RUFY4: variants seen among roughly 807,000 people sequenced by gnomAD.
The protein encoded by RUFY4 is RUN and FYVE domain-containing protein 4.
In RUFY4, 73 loss-of-function variants were observed where a neutral mutation model predicts 69.0. That is an observed-to-expected ratio of 1.06 (90% CI 0.88 to 1.29). RUFY4 has a LOEUF of 1.29. Ranked by LOEUF, RUFY4 falls within the 50% of genes most tolerant of loss-of-function variation. RUFY4 has a pLI of 0.00. For synonymous variants in RUFY4, 287 were observed against 271.8 expected (o/e 1.06, Z -0.55); for missense variants, 770 against 705.6 (o/e 1.09, Z -1.03).
rs1574512730 is a variant in RUFY4 at position 218,075,855 on chromosome 2, G to A, written c.1248+115G>A. On this transcript the variant is annotated intron_variant, in intron 7 of 10. Transcript: ENST00000344321. The stretch of plus-strand genomic sequence containing the variant: ...CCCTCCCACGGGTCAATTTTTATTG[G>A]CCCACTCAGGATTATTATTTGGGGA... 7.6e-6 allele frequency: 8 copies of A among 1,056,946 alleles called. No individual in the cohort carries two copies. In the African/African-American group the frequency reaches 8.2e-5, roughly 11 times the overall value. 65.5% of individuals were successfully genotyped at this position (1,056,946 alleles called of 1,614,324 possible).
intron 4 of RUFY4, 38 bp downstream of exon 6, chr2:218,072,923 G>A (rs1481847059): frequency 5.5e-6 from 8 of 1,453,664 alleles, no homozygotes; most frequent in Non-Finnish European, 7.3e-6. Context: ...GATGCCATCT[G>A]AGCCACTTTC....
intron 10 of RUFY4, chr2:218,089,685 A>G: frequency 1.4e-6 from 1 of 703,292 alleles, no homozygotes. Flanking sequence ...CTGTGAGCAC[A>G]GTGCTAGGAC....
exon 7 of RUFY4, chr2:218,075,431 G>A (rs1174910095): frequency 1.2e-6 from 2 of 1,612,206 alleles, no homozygotes; most frequent in South Asian, 1.1e-5. Context: ...TAGGGATGGA[G>A]GCTGAGGTCA....
chr2:218,036,174 G>A (rs1313947768), intron 2 of RUFY4, among the ~76,000 whole-genome samples: 1 of 152,214 alleles, frequency 6.6e-6, no homozygotes, highest in Non-Finnish European at 1.5e-5. Context: ...TAAACAATTA[G>A]CACAGTGTCG....
intron 2 of RUFY4, among the ~76,000 whole-genome samples, chr2:218,052,599 T>C (rs1323197116): frequency 6.6e-6 from 1 of 152,108 alleles, no homozygotes; most frequent in Non-Finnish European, 1.5e-5. Context: ...GATTTCAAGT[T>C]TTAGGATAGT....
chr2:218,042,599 C>G (rs1269671131), intron 2 of RUFY4, among the ~76,000 whole-genome samples: 1 of 152,160 alleles, frequency 6.6e-6, no homozygotes, highest in Non-Finnish European at 1.5e-5. Context: ...TTGAATGTCT[C>G]TGGTTATGTT....
chr2:218,040,745 C>T (rs73082326), intron 2 of RUFY4, among the ~76,000 whole-genome samples: 3 of 152,054 alleles, frequency 2.0e-5, no homozygotes, highest in Admixed American at 6.5e-5. Context: ...CTGGTAGGGA[C>T]GGAACATACT....
intron 8 of RUFY4, among the ~76,000 whole-genome samples, chr2:218,079,713 G>A (rs1180964624): frequency 6.6e-6 from 1 of 152,150 alleles, no homozygotes; most frequent in East Asian, 1.9e-4. Context: ...TCACTCCCGG[G>A]AAAGGAGCCC....
At chr2:218,045,467 T>C (rs1688804818) in intron 2 of RUFY4, among the ~76,000 whole-genome samples, 1 of 152,118 alleles carries the variant, frequency 6.6e-6, no homozygotes, top group Non-Finnish European at 1.5e-5. Context: ...ATCAAATTAA[T>C]GTAAGTTATT....
intron 2 of RUFY4, among the ~76,000 whole-genome samples, chr2:218,037,943 A>C (rs1438462649): frequency 6.7e-6 from 1 of 149,950 alleles, no homozygotes; most frequent in Non-Finnish European, 1.5e-5. Flanking sequence ...AGAAAAAAAC[A>C]GTTTCCTAAA....
At chr2:218,064,413 A>C (rs1029428035), upstream of RUFY4, among the ~76,000 whole-genome samples, 42 of 152,118 alleles carry the variant, frequency 2.8e-4, no homozygotes, top group African/African-American at 7.7e-4. Context: ...GCCAACCCCA[A>C]GTTGGGTCTC....
intron 9 of RUFY4, among the ~76,000 whole-genome samples, chr2:218,085,861 T>C (rs1340040702): frequency 6.6e-6 from 1 of 152,232 alleles, no homozygotes; most frequent in African/African-American, 2.4e-5. Context: ...GGGAAGCCAC[T>C]AGTCAACCAT....
chr2:218,084,979 C>T (rs1292514413), intron 9 of RUFY4, among the ~76,000 whole-genome samples: 5 of 152,032 alleles, frequency 3.3e-5, no homozygotes, highest in Admixed American at 3.3e-4. Flanking sequence ...ACCCAGGAGG[C>T]GGAGGTTGCA....
At chr2:218,070,282 C>T (rs561433465), upstream of RUFY4, 1 of 375,856 alleles carries the variant, frequency 2.7e-6, no homozygotes, top group South Asian at 2.6e-5. Flanking sequence ...TCCCCTGTTT[C>T]TCCTGGTCTA....
At chr2:218,082,546 G>A (rs1689785522) in intron 8 of RUFY4, among the ~76,000 whole-genome samples, 1 of 152,206 alleles carries the variant, frequency 6.6e-6, no homozygotes, top group African/African-American at 2.4e-5. Context: ...TGAATGGTTG[G>A]TGAGGAGTCA....
rs867237650 is a variant in RUFY4 at position 218,072,424 on chromosome 2, G to A, written c.204G>A (p.Trp68Ter). The A allele has an allele frequency of 2.0e-6, 3 of 1,537,382 alleles. No homozygotes were observed. The African/African-American group carries it at 4.1e-5, about 21-fold the overall frequency. The change falls in exon 3 of 11, where the codon TGG becomes TGA. Residue 68 changes from tryptophan to a stop codon, truncating the protein, a stop_gained. Coordinates refer to ENST00000344321, the Ensembl canonical transcript of RUFY4. LOFTEE classifies it high-confidence loss of function. ...TCCTGGGGCCTCGGAAGGATTACTG[G>A]GACTTTCTCTGCACTGCCCTACGAC...
chr2:218,059,277 A>G (rs1219082384), intron 3 of RUFY4: 1 of 153,292 alleles, frequency 6.5e-6, no homozygotes, highest in African/African-American at 2.4e-5. Flanking sequence ...AAATATACAT[A>G]AAATTTTACC....
At chr2:218,042,970 C>T (rs1251185675) in intron 2 of RUFY4, among the ~76,000 whole-genome samples, 2 of 152,136 alleles carry the variant, frequency 1.3e-5, no homozygotes, top group African/African-American at 4.8e-5. Flanking sequence ...TGTTGCTTTT[C>T]TGGCTGGAAA....
intron 9 of RUFY4, among the ~76,000 whole-genome samples, chr2:218,087,780 G>A (rs549571092): frequency 6.6e-6 from 1 of 152,204 alleles, no homozygotes; most frequent in African/African-American, 2.4e-5. Flanking sequence ...AGTTAGCCAA[G>A]ATCATGCCAC....
Sources: allele counts gnomAD v4.1 joint callset (sites outside exome capture counted in the v4.1 genomes callset), GRCh38; gene constraint gnomAD v4.1.1; transcripts MANE v1.5; gene names NCBI Gene and HGNC (gene_info 2026-07-23, HGNC 2026-07-21).